The following ATRNL1 variants were observed in gnomAD, a reference collection of about 807,000 sequenced individuals.
ATRNL1 encodes attractin-like protein 1.
Under a neutral mutation model 182.7 loss-of-function variants are expected in ATRNL1, and 95 were observed. That is an observed-to-expected ratio of 0.52 (90% confidence interval 0.44 to 0.62). The LOEUF (loss-of-function observed/expected upper bound fraction) is 0.62. Ranked by LOEUF, ATRNL1 falls within the 20% of genes least tolerant of loss-of-function variation. The pLI, the probability that ATRNL1 is intolerant of heterozygous loss-of-function variation, is 0.00. For missense variants in ATRNL1, 1,471 were observed against 1,679.5 expected (o/e 0.88, Z 2.17); for synonymous variants, 576 against 568.3 (o/e 1.01, Z -0.19).
At chr10:115,579,334 G>C (rs1482433225) in intron 26 of ATRNL1, among the ~76,000 whole-genome samples, 3 of 151,678 alleles carry the variant, frequency 2.0e-5, no homozygotes. Context: ...CTCTTTAGTT[G>C]TTAATGTTTG....
intron 26 of ATRNL1, among the ~76,000 whole-genome samples, chr10:115,590,879 G>GA (rs1439279683): frequency 1.3e-5 from 2 of 152,142 alleles, no homozygotes; most frequent in Admixed American, 1.3e-4. Context: ...CTTCCTGTGT[G>GA]AGTGGCAAAT....
rs782696015 is a variant in ATRNL1 at position 115,171,168 on chromosome 10, G to A, written c.1224G>A (p.Gln408=). 6.2e-7 allele frequency: 1 copy of A among 1,611,644 alleles called. No individual in the cohort carries two copies. The highest frequency in any genetic ancestry group is 1.7e-5 in the Admixed American group (1 of 59,882). ...KTPTVLGHGQ[Q]YAVEGHSAHI... is the part of the protein sequence containing the mutation. ...CTACTGTTCTTGGACATGGTCAGCAGTATGCTGTGGAGGGACATTCAGCAC... is the reference window on the plus strand; with the variant it reads ...CTACTGTTCTTGGACATGGTCAGCAATATGCTGTGGAGGGACATTCAGCAC... Residue 408 remains glutamine (Q), a synonymous_variant, in exon 8 of 29, where the codon CAG becomes CAA. Transcript: ENST00000355044.
chr10:115,884,712 A>G (rs942903026), intron 28 of ATRNL1, among the ~76,000 whole-genome samples: 2 of 152,220 alleles, frequency 1.3e-5, no homozygotes, highest in African/African-American at 4.8e-5. Flanking sequence ...TGGCTTCTTC[A>G]GGCATTTCGT....
chr10:115,099,129 C>CT (rs1269984033), intron 1 of ATRNL1, among the ~76,000 whole-genome samples: 1 of 152,196 alleles, frequency 6.6e-6, no homozygotes, highest in Non-Finnish European at 1.5e-5. Flanking sequence ...TATTGATCTG[C>CT]TTTCTCTCAC....
intron 28 of ATRNL1, among the ~76,000 whole-genome samples, chr10:115,875,719 G>A (rs1330369853): frequency 1.3e-5 from 2 of 152,204 alleles, no homozygotes; most frequent in Non-Finnish European, 2.9e-5. Flanking sequence ...TAACAGGTAT[G>A]TTCCCAGCCC....
chr10:115,755,989 A>G (rs2134132068), intron 27 of ATRNL1, among the ~76,000 whole-genome samples: 1 of 151,774 alleles, frequency 6.6e-6, no homozygotes, highest in South Asian at 2.1e-4. Context: ...GGTCGTTTGT[A>G]TTTCTGTGGG....
chr10:115,151,866 A>G (rs1846249619), intron 5 of ATRNL1, among the ~76,000 whole-genome samples: 1 of 152,154 alleles, frequency 6.6e-6, no homozygotes, highest in Admixed American at 6.5e-5. Flanking sequence ...TTAAGTCTTT[A>G]ATTCATCTTG....
intron 8 of ATRNL1, among the ~76,000 whole-genome samples, chr10:115,193,316 G>C (rs782211006): frequency 6.6e-6 from 1 of 151,940 alleles, no homozygotes; most frequent in African/African-American, 2.4e-5. Context: ...TGAAATGGCC[G>C]TATGATTTTT....
chr10:115,903,716 C>A (rs1427414491), intron 28 of ATRNL1, among the ~76,000 whole-genome samples: 2 of 152,154 alleles, frequency 1.3e-5, no homozygotes, highest in Admixed American at 1.3e-4. Context: ...AAAGAATCAT[C>A]TATATTTTTC....
intron 5 of ATRNL1, among the ~76,000 whole-genome samples, chr10:115,159,455 G>T (rs544645793): frequency 1.3e-5 from 2 of 151,360 alleles, no homozygotes; most frequent in Admixed American, 6.6e-5. Context: ...TTTATTTTAT[G>T]ATGCATAATT....
intron 8 of ATRNL1, among the ~76,000 whole-genome samples, chr10:115,180,069 C>T (rs1847690014): frequency 6.6e-6 from 1 of 151,872 alleles, no homozygotes; most frequent in Non-Finnish European, 1.5e-5. Context: ...TAATCATTGT[C>T]TTACTAGCAA....
chr10:115,675,388 AAGG>A (rs1232269707), intron 26 of ATRNL1, among the ~76,000 whole-genome samples: 12 of 152,096 alleles, frequency 7.9e-5, no homozygotes, highest in Non-Finnish European at 1.5e-4. Flanking sequence ...GAAGAAGAAG[AAGG>A]AGAAGAAGAA....
chr10:115,255,341 G>T (rs1183810943), intron 10 of ATRNL1, among the ~76,000 whole-genome samples: 2 of 152,070 alleles, frequency 1.3e-5, no homozygotes, highest in Non-Finnish European at 2.9e-5. Context: ...TCCTTGAAGA[G>T]AACTCCTTCA....
At chr10:115,488,733 G>T (rs1721543126) in intron 24 of ATRNL1, among the ~76,000 whole-genome samples, 1 of 151,936 alleles carries the variant, frequency 6.6e-6, no homozygotes, top group African/African-American at 2.4e-5. Flanking sequence ...CTTTAGTTCT[G>T]CCCTGATCTT....
chr10:115,410,556 T>C (rs1425523893), intron 20 of ATRNL1, among the ~76,000 whole-genome samples: 1 of 152,130 alleles, frequency 6.6e-6, no homozygotes, highest in African/African-American at 2.4e-5. Flanking sequence ...CTTGACCTCA[T>C]GATCTGCCCG....
chr10:115,159,770 C>CT (rs1415141008), intron 5 of ATRNL1, among the ~76,000 whole-genome samples: 4 of 151,520 alleles, frequency 2.6e-5, no homozygotes, highest in African/African-American at 9.7e-5. Context: ...TAAAATAAAT[C>CT]TGACATTTTA....
intron 9 of ATRNL1, among the ~76,000 whole-genome samples, chr10:115,218,151 A>T (rs1387516341): frequency 6.6e-6 from 1 of 151,838 alleles, no homozygotes; most frequent in Non-Finnish European, 1.5e-5. Flanking sequence ...ATAAGTGAGA[A>T]TCCTGGGCTT....
intron 27 of ATRNL1, among the ~76,000 whole-genome samples, chr10:115,765,015 T>C (rs1948823849): frequency 6.6e-6 from 1 of 152,170 alleles, no homozygotes; most frequent in Non-Finnish European, 1.5e-5. Flanking sequence ...ATTTCTTTTT[T>C]AGAGCTAAAT....
chr10:115,694,456 T>C (rs1555049139), intron 26 of ATRNL1, among the ~76,000 whole-genome samples: 1 of 152,130 alleles, frequency 6.6e-6, no homozygotes, highest in Non-Finnish European at 1.5e-5. Context: ...ATATCTTGAT[T>C]AAAGTAAAAT....
Sources: gnomAD v4.1 joint callset for allele counts (sites outside exome capture counted in the v4.1 genomes callset) on GRCh38, gnomAD v4.1.1 for gene constraint, MANE v1.5 for transcripts, NCBI Gene and HGNC (gene_info 2026-07-23, HGNC 2026-07-21) for gene names.